Variants in PCTP observed in about 807,000 individuals in gnomAD.
PCTP encodes the protein START domain-containing protein 2.
Under a neutral mutation model 31.0 loss-of-function variants are expected in PCTP, and 27 were observed. That is an observed-to-expected ratio of 0.87 (90% CI 0.64 to 1.20). PCTP has a LOEUF of 1.20. Ranked by LOEUF, PCTP falls within the 50% of genes most tolerant of loss-of-function variation. The pLI is 0.00. For missense variants in PCTP, 287 were observed against 268.2 expected (o/e 1.07, Z -0.49); for synonymous variants, 108 against 101.2 (o/e 1.07, Z -0.40).
intron 3 of PCTP, among the ~76,000 whole-genome samples, chr17:55,820,632 C>T (rs1913084587): frequency 6.6e-6 from 1 of 152,176 alleles, no homozygotes; most frequent in African/African-American, 2.4e-5. Context: ...TGAGGAAACA[C>T]ATTCAGGCTA....
At chr17:55,777,453 G>T, downstream of PCTP, 1 of 918,406 alleles carries the variant, frequency 1.1e-6, no homozygotes, top group Non-Finnish European at 1.3e-6. Context: ...ATTTGCAAGT[G>T]ATATTCAGCC....
intron 4 of PCTP, among the ~76,000 whole-genome samples, chr17:55,774,517 C>G (rs1465444519): frequency 6.6e-6 from 1 of 152,062 alleles, no homozygotes; most frequent in Non-Finnish European, 1.5e-5. Context: ...CTTAGGATTG[C>G]TAGAATAATT....
At chr17:55,772,089 C>T (rs1911039419) in intron 3 of PCTP, among the ~76,000 whole-genome samples, 1 of 152,144 alleles carries the variant, frequency 6.6e-6, no homozygotes, top group South Asian at 2.1e-4. Context: ...CAGATGATAT[C>T]TATCACATGA....
At chr17:55,761,634 T>C (rs1910346556) in intron 1 of PCTP, among the ~76,000 whole-genome samples, 1 of 148,308 alleles carries the variant, frequency 6.7e-6, no homozygotes, top group South Asian at 2.1e-4. Context: ...TATATATATT[T>C]ATATATATTT....
In PCTP at chr17:55,759,316, TC is replaced by T. The variant is rs562489055; in HGVS notation, c.142-8018del. On this transcript the variant is annotated intron_variant, in intron 1 of 5. Coordinates refer to ENST00000268896, the MANE Select transcript of PCTP (RefSeq NM_021213.4). The stretch of plus-strand genomic sequence containing the variant: ...CTGTTCAGTTAATACTCAGTAAACA[TC>T]AGCTATGAGTATTGTTTTACCTAGC... Among the ~76,000 whole-genome samples, 20 of 152,296 alleles carry T rather than the reference TC, an allele frequency of 1.3e-4. No individual in the cohort carries two copies. The East Asian group carries it at 3.9e-3, about 29-fold the overall frequency.
At chr17:55,756,688 A>G (rs1387844977) in intron 1 of PCTP, among the ~76,000 whole-genome samples, 1 of 150,134 alleles carries the variant, frequency 6.7e-6, no homozygotes, top group African/African-American at 2.4e-5. Context: ...AAACCGTTTT[A>G]TACACGTGTG....
Position 55,751,302 on chromosome 17 carries a change from C to T in PCTP, c.141+58C>T, listed in dbSNP as rs925146663. ...CTAGAATGCGCCGGGGTCGACCTCCCCGCAGGGAGTGCGGGGCGGCAGTCG... is the reference window on the plus strand; with the variant it reads ...CTAGAATGCGCCGGGGTCGACCTCCTCGCAGGGAGTGCGGGGCGGCAGTCG... On this transcript the variant is annotated intron_variant, in intron 1 of 5. Coordinates refer to ENST00000268896, the MANE Select transcript of PCTP (RefSeq NM_021213.4). 3.3e-6 allele frequency: 5 copies of T among 1,517,694 alleles called. No individual in the cohort carries two copies. The African/African-American group carries it at 4.2e-5, about 13-fold the overall frequency. The allele number at this position is 1,517,694 out of a possible 1,614,324, so 94.0% of individuals were successfully genotyped here.
intron 1 of PCTP, among the ~76,000 whole-genome samples, chr17:55,755,763 CTTTA>C (rs1909982767): frequency 2.6e-5 from 4 of 152,146 alleles, no homozygotes; most frequent in Admixed American, 2.6e-4. Context: ...ATGATAATAA[CTTTA>C]TTTGATGCTG....
chr17:55,807,715 G>A (rs1041852710), intron 3 of PCTP, among the ~76,000 whole-genome samples: 4 of 152,122 alleles, frequency 2.6e-5, no homozygotes, highest in African/African-American at 9.7e-5. Context: ...GGTGAAATAT[G>A]TTTGCTTTTT....
intron 3 of PCTP, among the ~76,000 whole-genome samples, chr17:55,816,499 T>C (rs1176422223): frequency 6.6e-6 from 1 of 152,224 alleles, no homozygotes; most frequent in Non-Finnish European, 1.5e-5. Context: ...TTAGGATCAA[T>C]ATAGCTCATG....
chr17:55,841,079 G>T (rs544719329), intron 5 of PCTP, among the ~76,000 whole-genome samples: 2 of 152,220 alleles, frequency 1.3e-5, no homozygotes, highest in African/African-American at 2.4e-5. Flanking sequence ...TGATACGTAT[G>T]TGTATGTGTG....
chr17:55,805,865 G>T (rs1234576212), intron 3 of PCTP, among the ~76,000 whole-genome samples: 1 of 133,152 alleles, frequency 7.5e-6, no homozygotes, highest in Non-Finnish European at 1.6e-5. Flanking sequence ...CTCCAGTTAT[G>T]GTCTCTCTCT....
chr17:55,851,041 G>C, the PCTP span, among the ~76,000 whole-genome samples: 1 of 152,170 alleles, frequency 6.6e-6, no homozygotes, highest in Non-Finnish European at 1.5e-5. Context: ...ACCAGATATG[G>C]AAACCAATAT....
chr17:55,754,307 TC>T (rs1310704423), intron 1 of PCTP, among the ~76,000 whole-genome samples: 2 of 152,180 alleles, frequency 1.3e-5, no homozygotes, highest in African/African-American at 4.8e-5. Flanking sequence ...CATGACCCCC[TC>T]CTTGGATTCA....
intron 3 of PCTP, among the ~76,000 whole-genome samples, chr17:55,805,917 T>TGTGTGTGTGTGTG (rs1159147410): frequency 4.0e-5 from 6 of 151,620 alleles, no homozygotes; most frequent in African/African-American, 9.7e-5. Context: ...TGTGTGTGTG[T>TGTGTGTGTGTGTG]TTGACTTTAG....
At chr17:55,775,806 T>A in intron 5 of PCTP, 2 of 1,254,356 alleles carry the variant, frequency 1.6e-6, no homozygotes, top group Non-Finnish European at 2.0e-6. Flanking sequence ...TAGAAAAAGC[T>A]AACATATAAG....
At chr17:55,760,711 T>TA (rs769630348) in intron 1 of PCTP, among the ~76,000 whole-genome samples, 14 of 151,284 alleles carry the variant, frequency 9.3e-5, no homozygotes, top group East Asian at 1.9e-4. Context: ...AAGCAGCATC[T>TA]AAAAAAAAAT....
chr17:55,779,609 G>T (rs1196855482), downstream of PCTP, among the ~76,000 whole-genome samples: 1 of 152,194 alleles, frequency 6.6e-6, no homozygotes, highest in Non-Finnish European at 1.5e-5. Context: ...TATCCCAAGA[G>T]TCTCAATAAG....
At chr17:55,767,088 C>T (rs1458345934) in intron 1 of PCTP, among the ~76,000 whole-genome samples, 1 of 152,176 alleles carries the variant, frequency 6.6e-6, no homozygotes, top group Admixed American at 6.5e-5. Context: ...TCTTGTCCTT[C>T]ACCCACTTTT....
Sources: gnomAD v4.1 joint callset for allele counts (sites outside exome capture counted in the v4.1 genomes callset) on GRCh38, gnomAD v4.1.1 for gene constraint, MANE v1.5 for transcripts, NCBI Gene and HGNC (gene_info 2026-07-23, HGNC 2026-07-21) for gene names.